Variants in TBC1D5 observed in about 807,000 individuals in gnomAD.
The protein encoded by TBC1D5 is TBC1 domain family member 5, also known as TBC1 domain family, member 5.
A neutral mutation model predicts 100.3 loss-of-function variants in TBC1D5; 75 were observed. That is an observed-to-expected ratio of 0.75 (90% confidence interval 0.62 to 0.91). TBC1D5 has a LOEUF of 0.91. Among genes scored for constraint, TBC1D5 ranks in the 40% least tolerant of loss-of-function variants. TBC1D5 has a pLI of 0.00. For synonymous variants in TBC1D5, 323 were observed against 325.6 expected (o/e 0.99, Z 0.09); for missense variants, 910 against 942.4 (o/e 0.97, Z 0.45).
rs1430600849 is a variant in TBC1D5 at position 17,485,233 on chromosome 3, A to G, written c.97+23241T>C. The stretch of plus-strand genomic sequence containing the variant: ...TGTTTATATGCCTGAAAACATTATT[A>G]CTTTCTATGCTCTCTATATTCAATT... On this transcript the variant is annotated intron_variant, in intron 3 of 21. Coordinates refer to ENST00000253692, the Ensembl canonical transcript of TBC1D5. 2.6e-5 allele frequency among the ~76,000 whole-genome samples: 4 copies of G among 151,868 alleles called. No individual in the cohort carries two copies. In the East Asian group the frequency reaches 7.7e-4, roughly 29 times the overall value.
intron 1 of TBC1D5, among the ~76,000 whole-genome samples, chr3:17,737,577 T>C (rs1017307359): frequency 2.0e-5 from 3 of 152,180 alleles, no homozygotes; most frequent in Non-Finnish European, 2.9e-5. Context: ...TAACCTAACA[T>C]ACTGTGATTA....
chr3:17,662,169 A>C (rs972643222), intron 1 of TBC1D5, among the ~76,000 whole-genome samples: 8 of 152,226 alleles, frequency 5.3e-5, no homozygotes, highest in African/African-American at 1.7e-4. Flanking sequence ...CTGGGATTAC[A>C]GGCATGAACC....
chr3:17,270,240 ATCAGTGATGT>A lies in TBC1D5; in HGVS notation c.1246-11659_1246-11650del, dbSNP rs547566998. 2.5e-3 allele frequency among the ~76,000 whole-genome samples: 384 copies of A among 152,246 alleles called. 1 individual carries two copies. The highest frequency in any genetic ancestry group is 3.9e-3 in the Non-Finnish European group (267 of 67,992). ...ACAGATTTGATTTGCATCTCTGATGATCAGTGATGTTGAGCATTTTTTCATATGCTTGTTG... is the reference window on the plus strand; with the variant it reads ...ACAGATTTGATTTGCATCTCTGATGATGAGCATTTTTTCATATGCTTGTTG... On this transcript the variant is annotated intron_variant, in intron 15 of 21. Transcript: ENST00000253692.
intron 1 of TBC1D5, among the ~76,000 whole-genome samples, chr3:17,719,796 A>G (rs1187751555): frequency 6.6e-6 from 1 of 152,216 alleles, no homozygotes; most frequent in African/African-American, 2.4e-5. Flanking sequence ...TGTGTTATAT[A>G]AACAACCAAA....
At chr3:17,442,176 T>C (rs1214475953) in intron 3 of TBC1D5, among the ~76,000 whole-genome samples, 6 of 152,174 alleles carry the variant, frequency 3.9e-5, no homozygotes, top group Admixed American at 3.3e-4. Flanking sequence ...TTTCAGAAAC[T>C]AGAAAAAGGA....
intron 4 of TBC1D5, among the ~76,000 whole-genome samples, chr3:17,415,554 A>C (rs972856725): frequency 9.2e-5 from 14 of 152,124 alleles, no homozygotes; most frequent in Non-Finnish European, 1.6e-4. Context: ...AAGTAGGTAA[A>C]CTCAATAATC....
intron 2 of TBC1D5, chr3:17,519,015 G>C (rs2096029539): frequency 1.3e-5 from 2 of 152,280 alleles, no homozygotes; most frequent in Non-Finnish European, 2.9e-5. Context: ...GTTGAGAGCA[G>C]AGGGCTGTGT....
intron 3 of TBC1D5, among the ~76,000 whole-genome samples, chr3:17,445,703 T>C (rs1400758260): frequency 1.3e-5 from 2 of 152,238 alleles, no homozygotes; most frequent in Non-Finnish European, 2.9e-5. Flanking sequence ...ATTAGTAGCA[T>C]GGTTGTTAAT....
At chr3:17,345,596 T>C (rs1360178829) in intron 13 of TBC1D5, among the ~76,000 whole-genome samples, 1 of 151,892 alleles carries the variant, frequency 6.6e-6, no homozygotes, top group African/African-American at 2.4e-5. Flanking sequence ...CTATAAATCA[T>C]GCTGCTATAA....
At chr3:17,238,543 TA>T in intron 16 of TBC1D5, 124 bp from the exon 17 acceptor site, 2 of 1,144,728 alleles carry the variant, frequency 1.7e-6, no homozygotes, top group Non-Finnish European at 1.2e-6. Flanking sequence ...ACCAGCTATA[TA>T]AAGTGAGAAG....
intron 15 of TBC1D5, among the ~76,000 whole-genome samples, chr3:17,288,314 T>C (rs1311069420): frequency 6.6e-6 from 1 of 152,166 alleles, no homozygotes; most frequent in African/African-American, 2.4e-5. Context: ...CGTTAGTTCA[T>C]TGTAATGGTG....
chr3:17,594,110 T>A (rs1246601966), intron 2 of TBC1D5, among the ~76,000 whole-genome samples: 1 of 152,130 alleles, frequency 6.6e-6, no homozygotes, highest in Admixed American at 6.5e-5. Context: ...TTCCATTAAA[T>A]TGGAAGTTAA....
rs1258805811 is a variant in TBC1D5, at chr3:17,591,243, AAAAAAAAAAAAAAAAAAAAAAAAC to A, written c.-36+32582_-36+32605del. ...AAAGAAAGGATCTGTCAAAAAAAAA[AAAAAAAAAAAAAAAAAAAAAAAAC>A]AAAAACCCCAGAGAATCATGGCCCC... On this transcript the variant is annotated intron_variant, in intron 2 of 21. Coordinates refer to ENST00000253692, the Ensembl canonical transcript of TBC1D5. 3.4e-4 allele frequency among the ~76,000 whole-genome samples: 38 copies of A among 111,656 alleles called. 1 individual carries two copies. The highest frequency in any genetic ancestry group is 4.1e-3 in the Middle Eastern group (1 of 246). 73.3% of individuals were successfully genotyped at this position (111,656 alleles called of 152,430 possible).
intron 4 of TBC1D5, among the ~76,000 whole-genome samples, chr3:17,418,901 C>T: frequency 6.6e-6 from 1 of 152,132 alleles, no homozygotes; most frequent in East Asian, 1.9e-4. Context: ...ATGGTTTATA[C>T]CAACCACGGA....
intron 15 of TBC1D5, among the ~76,000 whole-genome samples, chr3:17,264,477 A>G (rs989942521): frequency 2.0e-5 from 3 of 152,222 alleles, no homozygotes; most frequent in African/African-American, 7.2e-5. Flanking sequence ...AAAGAGCAAA[A>G]GAATATCAAT....
intron 18 of TBC1D5, among the ~76,000 whole-genome samples, chr3:17,209,949 CATT>C (rs2072734531): frequency 6.6e-6 from 1 of 152,178 alleles, no homozygotes; most frequent in South Asian, 2.1e-4. Flanking sequence ...GATCTACAAA[CATT>C]ATCATTCTGG....
intron 18 of TBC1D5, among the ~76,000 whole-genome samples, chr3:17,213,794 T>C (rs1230993098): frequency 6.7e-6 from 1 of 148,940 alleles, no homozygotes; most frequent in Non-Finnish European, 1.5e-5. Context: ...AATTTAAATG[T>C]AGTTTGTATA....
At chr3:17,176,948 A>G (rs972624628) in intron 19 of TBC1D5, among the ~76,000 whole-genome samples, 1 of 152,198 alleles carries the variant, frequency 6.6e-6, no homozygotes, top group Non-Finnish European at 1.5e-5. Context: ...CCCCTGTGGG[A>G]GTGCTACAAC....
intron 13 of TBC1D5, among the ~76,000 whole-genome samples, chr3:17,316,421 G>A (rs920365591): frequency 4.6e-5 from 7 of 152,100 alleles, no homozygotes; most frequent in African/African-American, 1.7e-4. Flanking sequence ...CCTCTCTTCT[G>A]AAAAATACAC....
Sources: gnomAD v4.1 joint callset for allele counts (sites outside exome capture counted in the v4.1 genomes callset) on GRCh38, gnomAD v4.1.1 for gene constraint, MANE v1.5 for transcripts, NCBI Gene and HGNC (gene_info 2026-07-23, HGNC 2026-07-21) for gene names.